FHIT: variants seen among roughly 807,000 people sequenced by gnomAD.
FHIT encodes the protein fragile histidine triad diadenosine triphosphatase, also known as bis(5'-adenosyl)-triphosphatase.
A neutral mutation model predicts 17.9 loss-of-function variants in FHIT; 19 were observed. The observed-to-expected ratio is 1.06, with a 90% confidence interval of 0.74 to 1.56. FHIT has a LOEUF of 1.56. FHIT is among the 40% of genes most tolerant of loss of function. FHIT has a pLI of 0.00. For missense variants in FHIT, 248 were observed against 189.2 expected (o/e 1.31, Z -1.82); for synonymous variants, 81 against 69.7 (o/e 1.16, Z -0.81).
rs375390905 is a variant in FHIT at position 59,947,863 on chromosome 3, T to G, written c.280-25449A>C. Among the ~76,000 whole-genome samples, 32 of 152,242 alleles carry G rather than the reference T, an allele frequency of 2.1e-4. No individual in the cohort carries two copies. In the East Asian group the frequency reaches 6.0e-3, roughly 28 times the overall value. Reference sequence around the variant, plus strand: ...GAATGGTGGGTGTATGCCAATTTTGTTTTTTTGAAAATCTATATAAAAGAC... The same window carrying G: ...GAATGGTGGGTGTATGCCAATTTTGGTTTTTTGAAAATCTATATAAAAGAC... On this transcript the variant is annotated intron_variant, in intron 7 of 9. Coordinates refer to ENST00000492590, the MANE Select transcript of FHIT (RefSeq NM_002012.4).
At chr3:59,800,135 G>A (rs918197607) in intron 8 of FHIT, among the ~76,000 whole-genome samples, 1 of 152,174 alleles carries the variant, frequency 6.6e-6, no homozygotes, top group Admixed American at 6.5e-5. Context: ...TGCTTGCTCG[G>A]TATTATTTAA....
intron 5 of FHIT, among the ~76,000 whole-genome samples, chr3:60,055,231 G>A (rs746261428): frequency 6.6e-6 from 1 of 152,010 alleles, no homozygotes; most frequent in African/African-American, 2.4e-5. Flanking sequence ...TCTTCAGGAG[G>A]GATTTCATTG....
rs182815592 is a variant in FHIT, at chr3:60,393,513, C to T, written c.103+143347G>A. On this transcript the variant is annotated intron_variant, in intron 5 of 9. Transcript: ENST00000492590. ...TTCTACAAAGGAAATAAGTGAGGACCAATTTTTTCTAAGTGGCTTAGGAAA... is the reference window on the plus strand; with the variant it reads ...TTCTACAAAGGAAATAAGTGAGGACTAATTTTTTCTAAGTGGCTTAGGAAA... 1.6e-3 allele frequency among the ~76,000 whole-genome samples: 244 copies of T among 151,400 alleles called. 4 individuals carry two copies. The highest frequency in any genetic ancestry group is 3.4e-3 in the Middle Eastern group (1 of 290).
At chr3:59,969,377 C>T (rs1708074821) in intron 7 of FHIT, among the ~76,000 whole-genome samples, 1 of 152,004 alleles carries the variant, frequency 6.6e-6, no homozygotes, top group Non-Finnish European at 1.5e-5. Flanking sequence ...AGCTTCTATC[C>T]ATACAAAACA....
At chr3:60,714,917 G>A (rs11162427) in intron 4 of FHIT, among the ~76,000 whole-genome samples, 6,687 of 151,942 alleles carry the variant, frequency 0.044, 505 homozygotes, top group African/African-American at 0.15. Context: ...CTTTCTTCAC[G>A]GAATTGGAAA....
chr3:60,773,269 C>T (rs1470441640), intron 4 of FHIT, among the ~76,000 whole-genome samples: 2 of 152,172 alleles, frequency 1.3e-5, no homozygotes, highest in South Asian at 2.1e-4. Context: ...ACAGTTAAAA[C>T]GCAACAGTTA....
intron 4 of FHIT, among the ~76,000 whole-genome samples, chr3:60,627,862 T>C (rs1559595864): frequency 6.6e-6 from 1 of 152,192 alleles, no homozygotes; most frequent in Non-Finnish European, 1.5e-5. Flanking sequence ...ATTTGAGTCT[T>C]CTTTCTTTCC....
chr3:59,983,037 CA>C (rs1472644177), intron 7 of FHIT, among the ~76,000 whole-genome samples: 1 of 151,998 alleles, frequency 6.6e-6, no homozygotes, highest in Non-Finnish European at 1.5e-5. Flanking sequence ...CTCCCTGGCT[CA>C]AGCGATCCTC....
At chr3:61,067,954 AT>A (rs1470733626) in intron 2 of FHIT, among the ~76,000 whole-genome samples, 1 of 152,166 alleles carries the variant, frequency 6.6e-6, no homozygotes, top group Non-Finnish European at 1.5e-5. Context: ...GAATTCTATT[AT>A]TGTATAATGG....
intron 3 of FHIT, among the ~76,000 whole-genome samples, chr3:61,018,346 A>G (rs900129929): frequency 6.6e-6 from 1 of 152,198 alleles, no homozygotes; most frequent in African/African-American, 2.4e-5. Flanking sequence ...AGAATTCTAG[A>G]ACCTTCACTT....
At chr3:60,803,587 G>A (rs539342706) in intron 4 of FHIT, among the ~76,000 whole-genome samples, 1 of 152,320 alleles carries the variant, frequency 6.6e-6, no homozygotes, top group Admixed American at 6.5e-5. Flanking sequence ...CTGAATGGGT[G>A]GCTGAGGGTG....
intron 5 of FHIT, among the ~76,000 whole-genome samples, chr3:60,387,593 C>A (rs1701062700): frequency 6.6e-6 from 1 of 152,120 alleles, no homozygotes; most frequent in African/African-American, 2.4e-5. Context: ...CCCCCCTCAC[C>A]TTTCTGCCTC....
chr3:60,018,352 C>G (rs140260100), intron 5 of FHIT, among the ~76,000 whole-genome samples: 61 of 152,282 alleles, frequency 4.0e-4, no homozygotes, highest in Non-Finnish European at 5.9e-5. Context: ...CCGCCAACAT[C>G]AGGGATCAAA....
intron 4 of FHIT, among the ~76,000 whole-genome samples, chr3:60,626,785 C>CTTTTTT (rs60098225): frequency 1.3e-4 from 18 of 133,960 alleles, no homozygotes; most frequent in East Asian, 2.1e-4. Flanking sequence ...GGAAAACACT[C>CTTTTTT]TTTTTTTTTT....
chr3:60,971,061 C>A (rs1036060294), intron 3 of FHIT, among the ~76,000 whole-genome samples: 5 of 152,082 alleles, frequency 3.3e-5, no homozygotes, highest in African/African-American at 1.2e-4. Context: ...GTCATTATCA[C>A]ACATACGAAA....
At chr3:60,376,145 C>T (rs568228753) in intron 5 of FHIT, among the ~76,000 whole-genome samples, 25 of 152,164 alleles carry the variant, frequency 1.6e-4, no homozygotes, top group African/African-American at 5.5e-4. Flanking sequence ...TGTTTAATGT[C>T]CATCTTTCCC....
In FHIT at chr3:60,400,922, TA is replaced by T. The variant is rs963876136; in HGVS notation, c.103+135937del. Among the ~76,000 whole-genome samples the T allele has an allele frequency of 6.9e-3, 1,021 of 148,182 alleles. 14 individuals carry two copies. Among genetic ancestry groups the T allele is most frequent in the African/African-American group, 0.022 (882 of 40,646 alleles). On this transcript the variant is annotated intron_variant, in intron 5 of 9. Coordinates refer to ENST00000492590, the MANE Select transcript of FHIT (RefSeq NM_002012.4). ...TTTTTCTTAATCCAAATTCTTTGGT[TA>T]AAAAAAAAAATTAGACAACCTGAAA...
intron 8 of FHIT, among the ~76,000 whole-genome samples, chr3:59,884,987 A>G (rs182250711): frequency 2.0e-5 from 3 of 152,358 alleles, no homozygotes; most frequent in Admixed American, 6.5e-5. Context: ...GTGGTTTTAC[A>G]TTTCAGAGAG....
At chr3:60,329,204 TCTA>T in intron 5 of FHIT, among the ~76,000 whole-genome samples, 1 of 152,182 alleles carries the variant, frequency 6.6e-6, no homozygotes, top group East Asian at 1.9e-4. Flanking sequence ...CAAGAGATTT[TCTA>T]CTTTTTTTTT....
Sources: gnomAD v4.1 joint callset for allele counts (sites outside exome capture counted in the v4.1 genomes callset) on GRCh38, gnomAD v4.1.1 for gene constraint, MANE v1.5 for transcripts, NCBI Gene and HGNC (gene_info 2026-07-23, HGNC 2026-07-21) for gene names.